ZNF804B: variants seen among roughly 807,000 people sequenced by gnomAD.
The protein encoded by ZNF804B is zinc finger protein 804B.
ZNF804B carries 80 observed loss-of-function variants against 101.4 expected under a neutral mutation model. The ratio of observed to expected loss-of-function variants is 0.79; its 90% confidence interval spans 0.66 to 0.95. The LOEUF is 0.95. Ranked by LOEUF, ZNF804B falls within the 40% of genes least tolerant of loss-of-function variation. The pLI, the probability that ZNF804B is intolerant of heterozygous loss-of-function variation, is 0.00. For missense variants in ZNF804B, 1,673 were observed against 1,561.9 expected (o/e 1.07, Z -1.20); for synonymous variants, 622 against 558.8 (o/e 1.11, Z -1.59).
chr7:88,977,849 T>C (rs1793638029), intron 1 of ZNF804B, among the ~76,000 whole-genome samples: 1 of 151,702 alleles, frequency 6.6e-6, no homozygotes, highest in Non-Finnish European at 1.5e-5. Flanking sequence ...TTTTTCTTTT[T>C]TTTAATGTTT....
In ZNF804B at chr7:89,337,132, G is replaced by C. The variant is rs956099701; in HGVS notation, c.*100G>C. On this transcript the variant is annotated 3_prime_UTR_variant, in exon 4 of 4. Coordinates refer to ENST00000333190, the MANE Select transcript of ZNF804B (RefSeq NM_181646.5). ...TGTCAATTATAAGATTTAAAATATT[G>C]CTGCCAATTCAAAATGTGACAAATA... is the stretch of plus-strand genomic sequence containing the variant. 5 of 1,174,086 alleles carry C rather than the reference G, an allele frequency of 4.3e-6. No individual in the cohort carries two copies. The highest frequency in any genetic ancestry group is 5.7e-5 in the Admixed American group (2 of 35,330). 72.7% of individuals were successfully genotyped at this position (1,174,086 alleles called of 1,614,324 possible). A position where few individuals can be genotyped will look rare whatever the true frequency, so the allele number is the denominator to read the frequency against.
intron 1 of ZNF804B, among the ~76,000 whole-genome samples, chr7:89,174,777 TA>T (rs1000296634): frequency 2.6e-5 from 4 of 151,968 alleles, no homozygotes; most frequent in African/African-American, 9.7e-5. Context: ...GTCTTTTGTA[TA>T]AAAAACACAT....
chr7:89,260,896 C>G (rs1789703524), intron 2 of ZNF804B, among the ~76,000 whole-genome samples: 1 of 152,166 alleles, frequency 6.6e-6, no homozygotes, highest in Non-Finnish European at 1.5e-5. Context: ...TCCAGCATCA[C>G]TAGTGGCACT....
At chr7:89,166,980 T>C (rs1791153763) in intron 1 of ZNF804B, among the ~76,000 whole-genome samples, 1 of 152,230 alleles carries the variant, frequency 6.6e-6, no homozygotes, top group Non-Finnish European at 1.5e-5. Context: ...TTTGTGTGAA[T>C]GAGTTTTCAT....
At chr7:89,140,456 A>G (rs1396737073) in intron 1 of ZNF804B, among the ~76,000 whole-genome samples, 1 of 152,078 alleles carries the variant, frequency 6.6e-6, no homozygotes. Context: ...ATAAAAGGCA[A>G]TAGAAGGTTC....
intron 1 of ZNF804B, among the ~76,000 whole-genome samples, chr7:88,823,647 A>G (rs989524682): frequency 6.6e-6 from 1 of 151,994 alleles, no homozygotes; most frequent in Non-Finnish European, 1.5e-5. Context: ...GCTGAGTACA[A>G]TTGGGTACCA....
At chr7:89,294,283 T>C (rs1255807343) in intron 2 of ZNF804B, among the ~76,000 whole-genome samples, 1 of 152,232 alleles carries the variant, frequency 6.6e-6, no homozygotes, top group African/African-American at 2.4e-5. Flanking sequence ...GCCAAATGTC[T>C]TTGTAAATAG....
At chr7:88,779,916 A>G (rs745785725) in intron 1 of ZNF804B, among the ~76,000 whole-genome samples, 1 of 152,192 alleles carries the variant, frequency 6.6e-6, no homozygotes, top group African/African-American at 2.4e-5. Context: ...TACAGGGTCT[A>G]TGCGTTAGAA....
At chr7:89,210,332 G>C (rs1038505975) in intron 1 of ZNF804B, among the ~76,000 whole-genome samples, 1 of 152,046 alleles carries the variant, frequency 6.6e-6, no homozygotes, top group East Asian at 1.9e-4. Flanking sequence ...AAATTTGCTA[G>C]CTTTATTTTT....
At chr7:89,208,668 C>T (rs528378664) in intron 1 of ZNF804B, among the ~76,000 whole-genome samples, 2 of 152,132 alleles carry the variant, frequency 1.3e-5, no homozygotes, top group African/African-American at 2.4e-5. Flanking sequence ...TTGGTGGTGG[C>T]CAACGTTGAT....
chr7:89,072,801 A>G (rs1789561660), intron 1 of ZNF804B, among the ~76,000 whole-genome samples: 1 of 152,140 alleles, frequency 6.6e-6, no homozygotes, highest in Non-Finnish European at 1.5e-5. Context: ...AAAAAATGCA[A>G]TGAAGAAATA....
intron 1 of ZNF804B, among the ~76,000 whole-genome samples, chr7:88,789,649 A>T (rs957754029): frequency 2.0e-5 from 3 of 152,106 alleles, no homozygotes; most frequent in Admixed American, 2.0e-4. Context: ...AACTGACCAC[A>T]AGGGGGAGAA....
At chr7:88,892,553 T>C (rs917915843) in intron 1 of ZNF804B, among the ~76,000 whole-genome samples, 1 of 152,308 alleles carries the variant, frequency 6.6e-6, no homozygotes, top group Middle Eastern at 3.4e-3. Context: ...TTCTATAGTT[T>C]CACTACCATT....
intron 1 of ZNF804B, among the ~76,000 whole-genome samples, chr7:88,980,430 TG>T (rs1358668757): frequency 6.6e-6 from 1 of 152,050 alleles, no homozygotes; most frequent in Non-Finnish European, 1.5e-5. Flanking sequence ...TTGGCTGGTT[TG>T]TATCTGTCCT....
At chr7:89,286,694 G>C (rs1352776273) in intron 2 of ZNF804B, among the ~76,000 whole-genome samples, 1 of 152,164 alleles carries the variant, frequency 6.6e-6, no homozygotes, top group Non-Finnish European at 1.5e-5. Context: ...AAGAAGCAGT[G>C]CCAGAAAAAG....
At chr7:88,926,399 C>T (rs1386503483) in intron 1 of ZNF804B, among the ~76,000 whole-genome samples, 4 of 139,130 alleles carry the variant, frequency 2.9e-5, no homozygotes, top group African/African-American at 1.1e-4. Flanking sequence ...GCAGCCTGGT[C>T]AACATGGCGA....
In ZNF804B at chr7:88,848,500, A is replaced by C. The variant is rs1267213302; in HGVS notation, c.108+88416A>C. Among the ~76,000 whole-genome samples, 4 of 152,126 alleles carry C rather than the reference A, an allele frequency of 2.6e-5. No individual in the cohort carries two copies. The East Asian group carries it at 7.7e-4, about 29-fold the overall frequency. The stretch of plus-strand genomic sequence containing the variant: ...TTTCCTGGAGTTGTGCAGTGAGCAA[A>C]CTGCACCATCAGTCTCAGGGAAGAA... On this transcript the variant is annotated intron_variant, in intron 1 of 3. Coordinates refer to ENST00000333190, the MANE Select transcript of ZNF804B (RefSeq NM_181646.5).
At chr7:89,318,219 G>A (rs895166122) in intron 2 of ZNF804B, among the ~76,000 whole-genome samples, 2 of 152,126 alleles carry the variant, frequency 1.3e-5, no homozygotes, top group African/African-American at 4.8e-5. Flanking sequence ...AGTTTGGGTG[G>A]CAGGGGCTAA....
At chr7:88,786,640 A>C (rs1044767549) in intron 1 of ZNF804B, among the ~76,000 whole-genome samples, 2 of 152,098 alleles carry the variant, frequency 1.3e-5, no homozygotes, top group Non-Finnish European at 2.9e-5. Flanking sequence ...AACAAAGAAT[A>C]AAATTTAATA....
Sources: allele counts gnomAD v4.1 joint callset (sites outside exome capture counted in the v4.1 genomes callset), GRCh38; gene constraint gnomAD v4.1.1; transcripts MANE v1.5; gene names NCBI Gene and HGNC (gene_info 2026-07-23, HGNC 2026-07-21).